The following ENDOV variants were observed in gnomAD, a reference collection of about 807,000 sequenced individuals.
ENDOV encodes the protein hEndoV.
A neutral mutation model predicts 39.4 loss-of-function variants in ENDOV; 37 were observed. The ratio of observed to expected loss-of-function variants is 0.94; its 90% CI spans 0.72 to 1.23. The LOEUF is 1.23. ENDOV is among the 50% of genes most tolerant of loss of function. ENDOV has a pLI of 0.00. For synonymous variants in ENDOV, 186 were observed against 163.4 expected (o/e 1.14, Z -1.05); for missense variants, 441 against 375.7 (o/e 1.17, Z -1.44).
rs1478760808 is a variant in ENDOV, at chr17:80,435,998, TC to T, written c.839-132del. ...TCCAACTCCTGGGCTCAAGCTTTCC[TC>T]CCACCTCGGCCTCCCCAAGTGCTGA... On this transcript the variant is annotated intron_variant, in intron 9 of 9. Transcript: ENST00000518137. 3.1e-6 allele frequency: 3 copies of T among 954,066 alleles called. No individual in the cohort carries two copies. In the Admixed American group the frequency reaches 6.1e-5, roughly 19 times the overall value. 59.1% of individuals were successfully genotyped at this position (954,066 alleles called of 1,614,324 possible).
At chr17:80,419,222 GA>G (rs199943727) in intron 2 of ENDOV, among the ~76,000 whole-genome samples, 1 of 151,732 alleles carries the variant, frequency 6.6e-6, no homozygotes, top group African/African-American at 2.4e-5. Context: ...CTTACTGGGG[GA>G]AAAACTCTCC....
intron 8 of ENDOV, among the ~76,000 whole-genome samples, chr17:80,429,090 C>G (rs780580955): frequency 6.6e-6 from 1 of 152,226 alleles, no homozygotes; most frequent in South Asian, 2.1e-4. Flanking sequence ...TCCTCATCGT[C>G]GGGATAGGCT....
At chr17:80,427,457 A>G (rs1363841394) in intron 7 of ENDOV, 2 of 985,344 alleles carry the variant, frequency 2.0e-6, no homozygotes, top group Non-Finnish European at 2.4e-6. Flanking sequence ...GAAATAGAGC[A>G]AGGATCTGTG....
chr17:80,427,112 A>G (rs2082789982), intron 7 of ENDOV, among the ~76,000 whole-genome samples: 2 of 152,262 alleles, frequency 1.3e-5, no homozygotes, highest in South Asian at 4.1e-4. Context: ...AGCTGTGCTC[A>G]GTGGTGGCGT....
At chr17:80,433,044 CCT>C in intron 9 of ENDOV, 1 of 508,118 alleles carries the variant, frequency 2.0e-6, no homozygotes, top group Admixed American at 2.0e-5. Context: ...ATGCCTCTCC[CCT>C]CTCCACACTC....
chr17:80,434,688 G>C (rs1030289919), intron 9 of ENDOV, among the ~76,000 whole-genome samples: 1 of 152,230 alleles, frequency 6.6e-6, no homozygotes, highest in African/African-American at 2.4e-5. Flanking sequence ...GTTCATGCCT[G>C]TAATCCCAGC....
At chr17:80,434,739 A>C (rs2083505674) in intron 9 of ENDOV, among the ~76,000 whole-genome samples, 1 of 152,172 alleles carries the variant, frequency 6.6e-6, no homozygotes, top group Non-Finnish European at 1.5e-5. Context: ...TGAGCCCAGG[A>C]GTTTGAGACC....
rs888354164 is a variant in ENDOV at position 80,434,659 on chromosome 17, C to T, written c.839-1474C>T. On this transcript the variant is annotated intron_variant, in intron 9 of 9. Transcript: ENST00000518137. ...TTCCTTGGAGTAGAAACTGGTGTTTCGGCTGGGCACAGTGAGTGGTTCATG... is the reference window on the plus strand; with the variant it reads ...TTCCTTGGAGTAGAAACTGGTGTTTTGGCTGGGCACAGTGAGTGGTTCATG... 5.9e-4 allele frequency among the ~76,000 whole-genome samples: 90 copies of T among 152,130 alleles called. 2 individuals are homozygous for T. Among genetic ancestry groups the T allele is most frequent in the Admixed American group, 5.4e-3 (83 of 15,270 alleles).
chr17:80,434,141 G>A (rs566274454), intron 9 of ENDOV, among the ~76,000 whole-genome samples: 12 of 152,182 alleles, frequency 7.9e-5, no homozygotes, highest in South Asian at 2.1e-4. Context: ...CCATGCCGAC[G>A]TGGAATCACC....
At chr17:80,421,313 G>T (rs1225130613) in intron 2 of ENDOV, among the ~76,000 whole-genome samples, 1 of 133,508 alleles carries the variant, frequency 7.5e-6, no homozygotes, top group Non-Finnish European at 1.7e-5. Context: ...ATACAGACCA[G>T]ATCCCGGGGA....
intron 9 of ENDOV, among the ~76,000 whole-genome samples, chr17:80,431,484 A>G (rs746840872): frequency 5.3e-5 from 8 of 152,196 alleles, no homozygotes; most frequent in Non-Finnish European, 8.8e-5. Flanking sequence ...CTCTGCGGGC[A>G]CCTTGTGCCT....
chr17:80,420,179 T>C (rs935659857), intron 2 of ENDOV: 1 of 157,556 alleles, frequency 6.3e-6, no homozygotes, highest in African/African-American at 2.4e-5. Flanking sequence ...AATGACATTC[T>C]CCTCCACAGC....
At chr17:80,419,798 T>G in intron 2 of ENDOV, 2 of 656,004 alleles carry the variant, frequency 3.0e-6, no homozygotes, top group Non-Finnish European at 2.8e-6. Flanking sequence ...TGCAGGAACT[T>G]GGATGTGGTC....
rs565555012 is a variant in ENDOV, at chr17:80,421,662, A to G, written c.229-166A>G. Among the ~76,000 whole-genome samples the G allele has an allele frequency of 5.1e-4, 78 of 152,170 alleles. 1 individual carries two copies. The highest frequency in any genetic ancestry group is 3.3e-3 in the Admixed American group (50 of 15,302). On this transcript the variant is annotated intron_variant, in intron 2 of 9. Transcript: ENST00000518137. ...CACCAATTTGCAGGGTACATCTTCT[A>G]GTTCCTTCTTCCAAACCCATCATCT... is the stretch of plus-strand genomic sequence containing the variant.
intron 9 of ENDOV, among the ~76,000 whole-genome samples, chr17:80,435,119 TTA>T (rs59130311): frequency 0.6 from 91,320 of 151,846 alleles, 28,193 homozygotes; most frequent in Middle Eastern, 0.76. Flanking sequence ...CAGAAGTTCT[TTA>T]TATGTTCTGA....
At chr17:80,427,487 C>T in intron 7 of ENDOV, 2 of 985,470 alleles carry the variant, frequency 2.0e-6, no homozygotes, top group Non-Finnish European at 2.4e-6. Flanking sequence ...AGCAAAGAGC[C>T]TGCCAAATCC....
intron 2 of ENDOV, chr17:80,420,336 CAA>C (rs985674791): frequency 6.6e-6 from 1 of 152,272 alleles, no homozygotes; most frequent in African/African-American, 2.4e-5. Flanking sequence ...TGTCACTGTG[CAA>C]AGTGACTTTT....
rs946170410 is a variant in ENDOV, at chr17:80,422,303, G to T, written c.403+58G>T. ...CTGTGGGGAAGAGCGGGGGGAGAGG[G>T]CACCTCTGTCGTCCCCCACAGAAAA... On this transcript the variant is annotated intron_variant, in intron 4 of 9. Transcript: ENST00000518137. The T allele has an allele frequency of 1.4e-5, 23 of 1,587,354 alleles. No homozygotes were observed. The African/African-American group carries it at 3.1e-4, about 21-fold the overall frequency.
rs2082088988 is a variant in ENDOV, at chr17:80,421,911, G to T, written c.312G>T (p.Leu104Phe). Reference protein sequence around the residue: ...GFLAFREVPFLLELVQQLREK... With the variant: ...GFLAFREVPFFLELVQQLREK... ...TGGCCTTCCGAGAGGTGCCCTTCTT[G>T]CTGGAGCTGGTGCAGCAGCTGCGGG... The change falls in exon 3 of 10, where the codon TTG (leucine) becomes TTT (phenylalanine). Residue 104 changes from leucine to phenylalanine, a missense_variant. Physicochemically the swap from Leu to Phe is conservative, Grantham distance 22 (BLOSUM62 0). Coordinates refer to ENST00000518137, the MANE Select transcript of ENDOV (RefSeq NM_173627.5). 1 of 1,611,242 alleles carries T rather than the reference G, an allele frequency of 6.2e-7. No individual in the cohort carries two copies. The highest frequency in any genetic ancestry group is 2.2e-5 in the East Asian group (1 of 44,852).
Sources: allele counts gnomAD v4.1 joint callset (sites outside exome capture counted in the v4.1 genomes callset), GRCh38; gene constraint gnomAD v4.1.1; transcripts MANE v1.5; gene names NCBI Gene and HGNC (gene_info 2026-07-23, HGNC 2026-07-21).